KMT2C: variants seen among roughly 807,000 people sequenced by gnomAD.
KMT2C encodes the protein histone-lysine N-methyltransferase 2C.
In KMT2C, 88 loss-of-function variants were observed where a neutral mutation model predicts 507.9. The observed-to-expected ratio is 0.17, with a 90% CI of 0.15 to 0.21. The LOEUF (loss-of-function observed/expected upper bound fraction) is 0.21. KMT2C is among the 10% of genes least tolerant of loss of function. The pLI, the probability that KMT2C is intolerant of heterozygous loss-of-function variation, is 1.00. For missense variants in KMT2C, 4,954 were observed against 5,957.8 expected (o/e 0.83, Z 5.55); for synonymous variants, 2,049 against 2,080.8 (o/e 0.98, Z 0.42).
At chr7:152,166,768 C>T (rs1413522114) in intron 42 of KMT2C, among the ~76,000 whole-genome samples, 1 of 152,160 alleles carries the variant, frequency 6.6e-6, no homozygotes, top group Non-Finnish European at 1.5e-5. Flanking sequence ...TGAGCTCGGT[C>T]CTCAGTTAAG....
At position 152,253,500 on chromosome 7, in the gene KMT2C, C is replaced by T. The variant is rs373958666; in HGVS notation, c.1300-785G>A. 3.6e-3 allele frequency among the ~76,000 whole-genome samples: 355 copies of T among 99,478 alleles called. 1 individual carries two copies. Among genetic ancestry groups the T allele is most frequent in the Non-Finnish European group, 5.3e-3 (287 of 54,310 alleles). The allele number at this position is 99,478 out of a possible 152,430, so 65.3% of individuals were successfully genotyped here. ...GACCAATCTGGGCAAGAAGGCAAAA[C>T]ACCTCTTTCTCTACAAAAAAAAAAA... On this transcript the variant is annotated intron_variant, in intron 9 of 58. Coordinates refer to ENST00000262189, the MANE Select transcript of KMT2C (RefSeq NM_170606.3).
chr7:152,337,561 G>T (rs2096948113), intron 2 of KMT2C, among the ~76,000 whole-genome samples: 1 of 152,118 alleles, frequency 6.6e-6, no homozygotes, highest in South Asian at 2.1e-4. Flanking sequence ...AAAACCAAAG[G>T]CTTGGAATCC....
chr7:152,238,239 T>A (rs1235255668), intron 15 of KMT2C, among the ~76,000 whole-genome samples: 3 of 152,308 alleles, frequency 2.0e-5, no homozygotes, highest in Non-Finnish European at 4.4e-5. Context: ...ACTACTTAAC[T>A]CACTTCAAGG....
rs1193173759 is a variant in KMT2C at position 152,139,723 on chromosome 7, G to A, written c.14412C>T (p.Ile4804=). The A allele has an allele frequency of 6.2e-7, 1 of 1,613,942 alleles. No homozygotes were observed. The change falls in exon 56 of 59, where the codon ATC becomes ATT. Residue 4804 remains isoleucine (I), a synonymous_variant. Coordinates refer to ENST00000262189, the MANE Select transcript of KMT2C (RefSeq NM_170606.3). ...HTMVIEYIGT[I]IRNEVANRKE... is the part of the protein sequence containing the mutation. ...TCCTGTTGGCTACTTCGTTTCGAATGATAGTCCCGATGTACTCAATGACCA... is the reference window on the plus strand; with the variant it reads ...TCCTGTTGGCTACTTCGTTTCGAATAATAGTCCCGATGTACTCAATGACCA...
chr7:152,408,587 G>A (rs1052157204), intron 1 of KMT2C, among the ~76,000 whole-genome samples: 13 of 152,172 alleles, frequency 8.5e-5, no homozygotes, highest in African/African-American at 2.9e-4. Context: ...TCTCATAGAA[G>A]CACAAACCCT....
chr7:152,342,908 G>A (rs1263886855), intron 2 of KMT2C, among the ~76,000 whole-genome samples: 1 of 152,116 alleles, frequency 6.6e-6, no homozygotes, highest in African/African-American at 2.4e-5. Flanking sequence ...TAGCCTAAGA[G>A]AACTATCTAA....
chr7:152,208,445 G>A (rs2094364728), intron 23 of KMT2C, among the ~76,000 whole-genome samples: 1 of 152,060 alleles, frequency 6.6e-6, no homozygotes, highest in Non-Finnish European at 1.5e-5. Flanking sequence ...ATTTTTATTG[G>A]TTCTTTAAAA....
At chr7:152,301,986 A>G (rs1412276157) in intron 6 of KMT2C, among the ~76,000 whole-genome samples, 2 of 152,176 alleles carry the variant, frequency 1.3e-5, no homozygotes, top group African/African-American at 4.8e-5. Context: ...CTACATTCTT[A>G]ATGTGAATTG....
In KMT2C at chr7:152,150,911, A is replaced by G. The variant is rs752968171; in HGVS notation, c.12763T>C (p.Ser4255Pro). Residue 4255 changes from serine to proline, a missense_variant, in exon 51 of 59, where the codon TCA (serine) becomes CCA (proline). Transcript: ENST00000262189. ...TATCCTAATCTCACCTTGTTTTCTG[A>G]GTTTTTCGCTTGTGCAGTTGATGAA... Reference protein sequence around the residue: ...LYSSTAQAKNSENKESIPSLP... With the variant: ...LYSSTAQAKNPENKESIPSLP... 1.4e-5 allele frequency: 23 copies of G among 1,606,358 alleles called. No individual in the cohort carries two copies. The highest frequency in any genetic ancestry group is 3.3e-5 in the Admixed American group (2 of 59,838).
At chr7:152,249,446 C>T (rs2129165055) in intron 13 of KMT2C, among the ~76,000 whole-genome samples, 1 of 151,402 alleles carries the variant, frequency 6.6e-6, no homozygotes, top group Admixed American at 6.6e-5. Flanking sequence ...ACCTCAGCCT[C>T]CCAAGCTGCT....
intron 11 of KMT2C, among the ~76,000 whole-genome samples, chr7:152,251,708 T>A (rs147620618): frequency 2.6e-5 from 4 of 152,160 alleles, no homozygotes; most frequent in African/African-American, 9.6e-5. Context: ...GAAAGCACAC[T>A]AGACCCGGAA....
chr7:152,435,560 C>T (rs1223245802), intron 1 of KMT2C, 66 bp downstream of exon 1: 1 of 1,065,120 alleles, frequency 9.4e-7, no homozygotes, highest in Non-Finnish European at 1.2e-6. Context: ...GGGGCGGGCG[C>T]CCGGTGACAG....
chr7:152,326,964 T>C lies in KMT2C; in HGVS notation c.389+3637A>G, dbSNP rs561898806. ...AAACTGTGGGACAGAGAGATAAAAA[T>C]GAATAAATAAAGGTCAAAAAGTCGG... On this transcript the variant is annotated intron_variant, in intron 3 of 58. Transcript: ENST00000262189. 1.3e-5 allele frequency among the ~76,000 whole-genome samples: 2 copies of C among 152,164 alleles called. 1 individual carries two copies. The highest frequency in any genetic ancestry group is 2.9e-5 in the Non-Finnish European group (2 of 68,016).
rs573869406 is a variant in KMT2C at position 152,155,869 on chromosome 7, A to C, written c.11960+41T>G. On this transcript the variant is annotated intron_variant, in intron 46 of 58. Coordinates refer to ENST00000262189, the MANE Select transcript of KMT2C (RefSeq NM_170606.3). ...ACATACATTTATTTTTTTTAAAAGA[A>C]GAAATAACTAAGAATTATTTGAGAA... 1.9e-6 allele frequency: 3 copies of C among 1,551,180 alleles called. No individual in the cohort carries two copies. In the East Asian group the frequency reaches 6.8e-5, roughly 35 times the overall value.
In KMT2C at chr7:152,183,048, T is replaced by TG. The variant is rs1563297015; in HGVS notation, c.5190_5191insC (p.Ile1731HisfsTer2). The TG allele has an allele frequency of 6.2e-7, 1 of 1,612,702 alleles. No homozygotes were observed. The highest frequency in any genetic ancestry group is 8.5e-7 in the Non-Finnish European group (1 of 1,179,410). On this transcript the variant is annotated frameshift_variant, in exon 35 of 59. Coordinates refer to ENST00000262189, the MANE Select transcript of KMT2C (RefSeq NM_170606.3). LOFTEE classifies it high-confidence loss of function. ...GGATCTTTAAAAAGCTCCGAATCAA[T>TG]ACGAGAGCTGGGATCAATGCTATCT...
intron 23 of KMT2C, among the ~76,000 whole-genome samples, chr7:152,217,218 TAAG>T (rs891572868): frequency 6.6e-6 from 1 of 151,982 alleles, no homozygotes; most frequent in Non-Finnish European, 1.5e-5. Flanking sequence ...AATGTAATAA[TAAG>T]AACTTACGAT....
At chr7:152,168,774 C>T (rs1262368277) in intron 41 of KMT2C, among the ~76,000 whole-genome samples, 1 of 152,206 alleles carries the variant, frequency 6.6e-6, no homozygotes, top group African/African-American at 2.4e-5. Flanking sequence ...CTGACCTTTA[C>T]ACCATGCTGC....
intron 1 of KMT2C, among the ~76,000 whole-genome samples, chr7:152,420,537 T>G (rs188839715): frequency 6.6e-6 from 1 of 152,116 alleles, no homozygotes; most frequent in Non-Finnish European, 1.5e-5. Flanking sequence ...CTGCAAACTA[T>G]GCATTCAACA....
intron 16 of KMT2C, among the ~76,000 whole-genome samples, chr7:152,231,780 CAA>C (rs759546723): frequency 7.5e-6 from 1 of 133,940 alleles, no homozygotes; most frequent in Non-Finnish European, 1.6e-5. Context: ...GACCCTGTCT[CAA>C]AAAAAAAAAA....
Sources: allele counts gnomAD v4.1 joint callset (sites outside exome capture counted in the v4.1 genomes callset), GRCh38; gene constraint gnomAD v4.1.1; transcripts MANE v1.5; gene names NCBI Gene and HGNC (gene_info 2026-07-23, HGNC 2026-07-21).